ZDHHC20: variants seen among roughly 807,000 people sequenced by gnomAD.
The protein encoded by ZDHHC20 is zDHHC palmitoyltransferase 20, also known as palmitoyltransferase ZDHHC20.
Under a neutral mutation model 57.8 loss-of-function variants are expected in ZDHHC20, and 43 were observed. That is an observed-to-expected ratio of 0.74 (90% confidence interval 0.58 to 0.96). The LOEUF (loss-of-function observed/expected upper bound fraction) is 0.96. ZDHHC20 is among the 40% of genes least tolerant of loss of function. The pLI, the probability that ZDHHC20 is intolerant of heterozygous loss-of-function variation, is 0.00. For synonymous variants in ZDHHC20, 157 were observed against 153.0 expected, an observed-to-expected ratio of 1.03 and a Z score of -0.19; for missense variants, 391 against 441.1, an observed-to-expected ratio of 0.89 and a Z score of 1.02.
At position 21,449,166 on chromosome 13, in the gene ZDHHC20, A is replaced by G. The variant is rs933999295; in HGVS notation, c.118+9888T>C. Among the ~76,000 whole-genome samples, 5 of 148,496 alleles carry G rather than the reference A, an allele frequency of 3.4e-5. No individual in the cohort carries two copies. In the East Asian group the frequency reaches 7.8e-4, roughly 23 times the overall value. The stretch of plus-strand genomic sequence containing the variant: ...CTGACCTTCCCTCCACTATTGTCCC[A>G]TGACCCTGCCAAATCCCCCTCTGTG... On this transcript the variant is annotated intron_variant, in intron 1 of 12. Coordinates refer to ENST00000400590, the MANE Select transcript of ZDHHC20 (RefSeq NM_001330059.2).
At chr13:21,377,682 CT>C (rs1286833742) in intron 12 of ZDHHC20, 1 of 215,430 alleles carries the variant, frequency 4.6e-6, no homozygotes, top group Admixed American at 6.1e-5. Context: ...CCCCTAGTGC[CT>C]GTGATCTGAC....
intron 4 of ZDHHC20, among the ~76,000 whole-genome samples, chr13:21,407,002 T>C (rs760001253): frequency 6.6e-6 from 1 of 152,112 alleles, no homozygotes; most frequent in East Asian, 1.9e-4. Context: ...CCACAAACAG[T>C]GTAAAAGTGT....
chr13:21,379,731 G>A (rs1872896735), intron 11 of ZDHHC20, among the ~76,000 whole-genome samples: 1 of 152,098 alleles, frequency 6.6e-6, no homozygotes, highest in African/African-American at 2.4e-5. Context: ...CAATTTTACT[G>A]ACTATTCTAT....
In ZDHHC20 at chr13:21,406,401, T is replaced by C. The variant is rs1878446445; in HGVS notation, c.371-3535A>G. Among the ~76,000 whole-genome samples the C allele has an allele frequency of 1.3e-5, 2 of 152,342 alleles. 1 individual carries two copies. Among genetic ancestry groups the C allele is most frequent in the South Asian group, 4.1e-4 (2 of 4,830 alleles). On this transcript the variant is annotated intron_variant, in intron 4 of 12. Coordinates refer to ENST00000400590, the MANE Select transcript of ZDHHC20 (RefSeq NM_001330059.2). ...TTTGTGCTTTTCTATGTTTTTATTA[T>C]TATACTTTGTTATAAAATAGATGTG...
chr13:21,421,078 C>A lies in ZDHHC20; in HGVS notation c.232G>T (p.Ala78Ser), dbSNP rs142306758. 4.3e-6 allele frequency: 7 copies of A among 1,612,118 alleles called. No homozygotes were observed. The Admixed American group carries it at 8.3e-5, about 19-fold the overall frequency. The change falls in exon 3 of 13, where the codon GCT becomes TCT. Residue 78 changes from alanine (A) to serine (S), a missense_variant. By Grantham distance (99) the Ala-to-Ser change is moderately conservative. Transcript: ENST00000400590. ...AAATTTACCTCTTTGGAGGGGGAAG[C>A]GGGAGATGTGAAAATTGTCATCCAA... ...SYWMTIFTSP[A>S]SPSKEFYLSN...
intron 12 of ZDHHC20, among the ~76,000 whole-genome samples, chr13:21,378,276 T>C (rs895889441): frequency 2.0e-5 from 3 of 152,106 alleles, no homozygotes; most frequent in South Asian, 2.1e-4. Flanking sequence ...CCCAGGCTGG[T>C]CTCTCACTCC....
chr13:21,411,350 G>C, intron 4 of ZDHHC20, among the ~76,000 whole-genome samples: 1 of 152,192 alleles, frequency 6.6e-6, no homozygotes, highest in Non-Finnish European at 1.5e-5. Context: ...TTTTATTGAG[G>C]GCCTTCTATA....
intron 12 of ZDHHC20, 194 bp from the exon 13 acceptor site, chr13:21,376,849 G>A: frequency 2.8e-6 from 1 of 351,010 alleles, no homozygotes; most frequent in Non-Finnish European, 5.2e-6. Flanking sequence ...GTCTTCCCCA[G>A]AAGCAATCAA....
chr13:21,385,760 G>A (rs1028485541), intron 9 of ZDHHC20, among the ~76,000 whole-genome samples: 12 of 152,130 alleles, frequency 7.9e-5, no homozygotes, highest in African/African-American at 2.4e-4. Flanking sequence ...TTACAGATCC[G>A]AGAAGCCTAA....
At chr13:21,432,325 C>A (rs1053151471) in intron 1 of ZDHHC20, among the ~76,000 whole-genome samples, 43 of 145,996 alleles carry the variant, frequency 2.9e-4, no homozygotes, top group African/African-American at 1.0e-3. Context: ...CCACAGTGTC[C>A]CACTAATTTT....
intron 2 of ZDHHC20, 99 bp downstream of exon 2, chr13:21,425,552 TA>T (rs1194766949): frequency 2.2e-6 from 2 of 903,178 alleles, no homozygotes; most frequent in Non-Finnish European, 1.5e-6. Context: ...ATTTTATTTC[TA>T]AAAAACAAAA....
intron 4 of ZDHHC20, among the ~76,000 whole-genome samples, chr13:21,411,374 G>A (rs1267544362): frequency 6.6e-6 from 1 of 152,202 alleles, no homozygotes; most frequent in Non-Finnish European, 1.5e-5. Context: ...CCTTGCCTGG[G>A]TTAGGCACTA....
intron 8 of ZDHHC20, among the ~76,000 whole-genome samples, chr13:21,389,327 T>C (rs1344242681): frequency 1.3e-5 from 2 of 152,188 alleles, no homozygotes; most frequent in Non-Finnish European, 2.9e-5. Flanking sequence ...AGTGGTGTGC[T>C]AAGCAATGTT....
chr13:21,401,480 T>A (rs545625597), intron 6 of ZDHHC20, among the ~76,000 whole-genome samples, 173 bp downstream of exon 6: 1 of 152,304 alleles, frequency 6.6e-6, no homozygotes, highest in South Asian at 2.1e-4. Context: ...TCAGCAGATA[T>A]TTTAATAGAA....
chr13:21,458,998 TCTCGCGCCCTAGCCGCGG>T, intron 1 of ZDHHC20, 38 bp downstream of exon 1: 1 of 1,421,270 alleles, frequency 7.0e-7, no homozygotes, highest in Non-Finnish European at 9.6e-7. Flanking sequence ...CAGAGGCCTA[TCTCGCGCCCTAGCCGCGG>T]CCCGCGCCCC....
intron 9 of ZDHHC20, among the ~76,000 whole-genome samples, chr13:21,384,457 C>CA (rs11358320): frequency 0.23 from 17,613 of 76,020 alleles, 1,367 homozygotes; most frequent in South Asian, 0.3. Flanking sequence ...ACTCTATCTC[C>CA]AAAAAAAAAA....
rs116575997 is a variant in ZDHHC20 at position 21,429,994 on chromosome 13, T to C, written c.119-4316A>G. 6.7e-3 allele frequency among the ~76,000 whole-genome samples: 1,016 copies of C among 152,322 alleles called. 15 individuals carry two copies. Among genetic ancestry groups the C allele is most frequent in the African/African-American group, 0.023 (941 of 41,558 alleles). ...TGTTGAGAATTCTATTTTTTCATAA[T>C]TCAATAGCAAATTGAATCACTTTAA... On this transcript the variant is annotated intron_variant, in intron 1 of 12. Transcript: ENST00000400590.
chr13:21,379,059 T>C lies in ZDHHC20; in HGVS notation c.1061-321A>G, dbSNP rs1199860. On this transcript the variant is annotated intron_variant, in intron 11 of 12. Transcript: ENST00000400590. ...AGAGACGGGCCTTAATAGTATTGCCTAGGCTGGCCTTAAACTTTGGAATTT... is the reference window on the plus strand; with the variant it reads ...AGAGACGGGCCTTAATAGTATTGCCCAGGCTGGCCTTAAACTTTGGAATTT... Among the ~76,000 whole-genome samples, 15 of 151,668 alleles carry C rather than the reference T, an allele frequency of 9.9e-5. 1 individual carries two copies. Among genetic ancestry groups the C allele is most frequent in the Non-Finnish European group, 1.2e-4 (8 of 68,028 alleles).
In ZDHHC20 at chr13:21,384,080, G is replaced by C. The variant is rs557191299; in HGVS notation, c.855-1071C>G. On this transcript the variant is annotated intron_variant, in intron 9 of 12. Transcript: ENST00000400590. Reference sequence around the variant, plus strand: ...CTTTCTGCCAGGACCCTGGCACTATGGGGGGTGGGAAACCAAGCAGAACAA... The same window carrying C: ...CTTTCTGCCAGGACCCTGGCACTATCGGGGGTGGGAAACCAAGCAGAACAA... Among the ~76,000 whole-genome samples, 108 of 151,796 alleles carry C rather than the reference G, an allele frequency of 7.1e-4. 1 individual carries two copies. The highest frequency in any genetic ancestry group is 1.4e-3 in the Non-Finnish European group (93 of 67,950).
Sources: gnomAD v4.1 joint callset for allele counts (sites outside exome capture counted in the v4.1 genomes callset) on GRCh38, gnomAD v4.1.1 for gene constraint, MANE v1.5 for transcripts, NCBI Gene and HGNC (gene_info 2026-07-23, HGNC 2026-07-21) for gene names.